The following AGBL4 variants were observed in gnomAD, a reference collection of about 807,000 sequenced individuals.
AGBL4 encodes cytosolic carboxypeptidase 6.
Under a neutral mutation model 66.4 loss-of-function variants are expected in AGBL4, and 58 were observed. That is an observed-to-expected ratio of 0.87 (90% confidence interval 0.71 to 1.09). AGBL4 has a LOEUF of 1.09. Among genes scored for constraint, AGBL4 ranks in the 50% least tolerant of loss-of-function variants. The probability of loss-of-function intolerance (pLI) is 0.00; values close to 1 mark genes in which losing one functional copy is unlikely to be tolerated. For synonymous variants in AGBL4, 234 were observed against 222.9 expected, an observed-to-expected ratio of 1.05 and a Z score of -0.44; for missense variants, 579 against 631.0, an observed-to-expected ratio of 0.92 and a Z score of 0.88.
Position 49,392,734 on chromosome 1 carries a change from C to T in AGBL4, c.283-146870G>A, listed in dbSNP as rs531377835. 4.0e-4 allele frequency among the ~76,000 whole-genome samples: 56 copies of T among 140,162 alleles called. 1 individual carries two copies. In the South Asian group the frequency reaches 0.011, roughly 26 times the overall value. 92.0% of individuals were successfully genotyped at this position (140,162 alleles called of 152,430 possible). A position where few individuals can be genotyped will look rare whatever the true frequency, so the allele number is the denominator to read the frequency against. ...ACACACACACACACACACACACACA[C>T]ATCATATACATGCATAGAGAAAACA... is the stretch of plus-strand genomic sequence containing the variant. On this transcript the variant is annotated intron_variant, in intron 3 of 13. Transcript: ENST00000371839.
At chr1:49,749,807 A>T (rs971756552) in intron 2 of AGBL4, among the ~76,000 whole-genome samples, 1 of 152,190 alleles carries the variant, frequency 6.6e-6, no homozygotes. Flanking sequence ...GTCAATGGAA[A>T]CACAATCAAA....
intron 6 of AGBL4, among the ~76,000 whole-genome samples, chr1:48,709,663 A>G (rs1017657593): frequency 2.6e-5 from 4 of 151,386 alleles, no homozygotes; most frequent in Admixed American, 6.6e-5. Flanking sequence ...GTGCAGTGGC[A>G]TGATCTCAGC....
intron 1 of AGBL4, among the ~76,000 whole-genome samples, chr1:49,971,236 C>A (rs532137189): frequency 1.2e-4 from 18 of 152,106 alleles, no homozygotes; most frequent in Admixed American, 6.6e-4. Context: ...TGATATCTTG[C>A]GCAGTCCTGT....
chr1:48,871,981 T>C (rs577598396), intron 5 of AGBL4, among the ~76,000 whole-genome samples: 8 of 152,276 alleles, frequency 5.3e-5, no homozygotes, highest in African/African-American at 1.7e-4. Context: ...CTGAAAACTA[T>C]AGTTGTCCTA....
chr1:49,302,139 T>G (rs1644756448), intron 3 of AGBL4, among the ~76,000 whole-genome samples: 2 of 149,874 alleles, frequency 1.3e-5, no homozygotes, highest in African/African-American at 4.9e-5. Flanking sequence ...TGAGGAGTAG[T>G]AATTATGAGA....
At chr1:48,690,083 C>T (rs1646605247) in intron 6 of AGBL4, among the ~76,000 whole-genome samples, 1 of 152,238 alleles carries the variant, frequency 6.6e-6, no homozygotes, top group African/African-American at 2.4e-5. Context: ...GGCAGCAAGT[C>T]TGTTCCTGCG....
At chr1:49,206,212 G>A (rs1009542655) in intron 4 of AGBL4, among the ~76,000 whole-genome samples, 5 of 152,104 alleles carry the variant, frequency 3.3e-5, no homozygotes, top group Non-Finnish European at 7.4e-5. Context: ...AAGTTTTGGA[G>A]TTCACAATCA....
At chr1:49,999,087 T>C (rs1489860957) in intron 1 of AGBL4, among the ~76,000 whole-genome samples, 3 of 151,830 alleles carry the variant, frequency 2.0e-5, no homozygotes, top group African/African-American at 4.8e-5. Context: ...GCCAGGCCAA[T>C]CTGACAAGAG....
intron 3 of AGBL4, among the ~76,000 whole-genome samples, chr1:49,523,037 T>A (rs556091792): frequency 7.9e-5 from 12 of 152,164 alleles, no homozygotes; most frequent in African/African-American, 2.9e-4. Context: ...ACTCTTGCTG[T>A]TAAAATCCAC....
At chr1:49,237,420 C>A (rs913749037) in intron 4 of AGBL4, among the ~76,000 whole-genome samples, 1 of 151,052 alleles carries the variant, frequency 6.6e-6, no homozygotes, top group Non-Finnish European at 1.5e-5. Context: ...GTCCACTAAA[C>A]CTCTTCTTCT....
At chr1:49,013,683 C>T (rs1439243635) in intron 5 of AGBL4, among the ~76,000 whole-genome samples, 1 of 152,026 alleles carries the variant, frequency 6.6e-6, no homozygotes, top group Non-Finnish European at 1.5e-5. Context: ...TAGTTCTTGC[C>T]CATTCTAGCC....
At chr1:49,535,200 A>C (rs1004438194) in intron 3 of AGBL4, among the ~76,000 whole-genome samples, 69 of 152,108 alleles carry the variant, frequency 4.5e-4, no homozygotes, top group Non-Finnish European at 7.6e-4. Flanking sequence ...AGATTAAAAA[A>C]TATGTCATTT....
At chr1:49,615,024 T>C (rs1553236338) in intron 3 of AGBL4, among the ~76,000 whole-genome samples, 1 of 152,110 alleles carries the variant, frequency 6.6e-6, no homozygotes, top group Non-Finnish European at 1.5e-5. Context: ...AATTGAGATA[T>C]AGAACAATTT....
intron 2 of AGBL4, among the ~76,000 whole-genome samples, chr1:49,831,906 A>T (rs1016509624): frequency 1.5e-4 from 23 of 152,160 alleles, no homozygotes; most frequent in African/African-American, 5.1e-4. Context: ...GTGATGAATT[A>T]CATTTATTAA....
intron 1 of AGBL4, among the ~76,000 whole-genome samples, chr1:49,861,351 G>A (rs1258958723): frequency 6.6e-6 from 1 of 152,038 alleles, no homozygotes; most frequent in African/African-American, 2.4e-5. Flanking sequence ...TGTAGAGCTT[G>A]TGGTTCCAAA....
intron 2 of AGBL4, among the ~76,000 whole-genome samples, chr1:49,830,967 A>C (rs1348474627): frequency 6.6e-6 from 1 of 152,046 alleles, no homozygotes; most frequent in Non-Finnish European, 1.5e-5. Context: ...ATTGCTCTAT[A>C]TATCTGTTTT....
intron 3 of AGBL4, among the ~76,000 whole-genome samples, chr1:49,384,775 T>C (rs183721667): frequency 1.3e-5 from 2 of 152,150 alleles, no homozygotes; most frequent in East Asian, 1.9e-4. Flanking sequence ...TGTGGAGAAA[T>C]TGGAAACTTT....
At chr1:48,976,461 TG>T (rs1360748736) in intron 5 of AGBL4, among the ~76,000 whole-genome samples, 1 of 152,194 alleles carries the variant, frequency 6.6e-6, no homozygotes, top group Admixed American at 6.6e-5. Context: ...GGCAGTGATT[TG>T]TCCTCGCTGG....
At chr1:49,189,043 A>G (rs1300942213) in intron 4 of AGBL4, among the ~76,000 whole-genome samples, 2 of 152,144 alleles carry the variant, frequency 1.3e-5, no homozygotes, top group Non-Finnish European at 2.9e-5. Flanking sequence ...ATCAATTAGC[A>G]ATGTCTGCCC....
Sources: gnomAD v4.1 joint callset for allele counts (sites outside exome capture counted in the v4.1 genomes callset) on GRCh38, gnomAD v4.1.1 for gene constraint, MANE v1.5 for transcripts, NCBI Gene and HGNC (gene_info 2026-07-23, HGNC 2026-07-21) for gene names.